Variants in ARF5 observed in about 807,000 individuals in gnomAD.
ARF5 encodes ARF GTPase 5.
A neutral mutation model predicts 24.8 loss-of-function variants in ARF5; 10 were observed. That is an observed-to-expected ratio of 0.40 (90% CI 0.25 to 0.68). The LOEUF (loss-of-function observed/expected upper bound fraction) is 0.68. Among genes scored for constraint, ARF5 ranks in the 30% least tolerant of loss-of-function variants. The pLI is 0.36. For synonymous variants in ARF5, 102 were observed against 95.1 expected, an observed-to-expected ratio of 1.07 and a Z score of -0.42; for missense variants, 135 against 239.2, an observed-to-expected ratio of 0.56 and a Z score of 2.87.
At chr7:127,590,382 G>T (rs1382803350) in intron 4 of ARF5, among the ~76,000 whole-genome samples, 2 of 151,776 alleles carry the variant, frequency 1.3e-5, no homozygotes, top group Admixed American at 6.6e-5. Context: ...GCCCAGGCTG[G>T]AGTGCAATGG....
chr7:127,589,291 G>A lies in ARF5; in HGVS notation c.148+128G>A, dbSNP rs564038207. 44 of 1,213,090 alleles carry A rather than the reference G, an allele frequency of 3.6e-5. No individual in the cohort carries two copies. In the African/African-American group the frequency reaches 6.0e-4, roughly 17 times the overall value. 75.1% of individuals were successfully genotyped at this position (1,213,090 alleles called of 1,614,324 possible). Reference sequence around the variant, plus strand: ...ACAGCTATTTGAGAAGTGGGTCAGGGTATCTCTACGTGGATACCGGAGGCA... The same window carrying A: ...ACAGCTATTTGAGAAGTGGGTCAGGATATCTCTACGTGGATACCGGAGGCA... On this transcript the variant is annotated intron_variant, in intron 2 of 5. Coordinates refer to ENST00000000233, the MANE Select transcript of ARF5 (RefSeq NM_001662.4).
rs1275678025 is a variant in ARF5, at chr7:127,588,461, C to CCCCGCGTCGGTG, written c.-31_-20dup. ...CGCGGCCGGCCAGTTCCAGCCCGCA[C>CCCCGCGTCGGTG]CCCGCGTCGGTGCCCGCGCCCCTCC... On this transcript the variant is annotated 5_prime_UTR_variant, in exon 1 of 6. Coordinates refer to ENST00000000233, the MANE Select transcript of ARF5 (RefSeq NM_001662.4). The CCCCGCGTCGGTG allele has an allele frequency of 7.2e-7, 1 of 1,389,942 alleles. No individual in the cohort carries two copies. Among genetic ancestry groups the CCCCGCGTCGGTG allele is most frequent in the East Asian group, 3.0e-5 (1 of 33,206 alleles). The allele number at this position is 1,389,942 out of a possible 1,614,324, so 86.1% of individuals were successfully genotyped here. A position where few individuals can be genotyped will look rare whatever the true frequency, so the allele number is the denominator to read the frequency against.
intron 2 of ARF5, 103 bp from the exon 3 acceptor site, chr7:127,589,381 TG>T: frequency 1.7e-6 from 2 of 1,171,588 alleles, no homozygotes; most frequent in African/African-American, 1.5e-5. Context: ...CCCTGGGCCT[TG>T]ATCATTGCCT....
At position 127,588,439 on chromosome 7, in the gene ARF5, G is replaced by C; in HGVS notation, c.-60G>C. Reference sequence around the variant, plus strand: ...CTGCTGCTGCGCCCCATCCCCCCGCGGCCGGCCAGTTCCAGCCCGCACCCC... The same window carrying C: ...CTGCTGCTGCGCCCCATCCCCCCGCCGCCGGCCAGTTCCAGCCCGCACCCC... On this transcript the variant is annotated 5_prime_UTR_variant, in exon 1 of 6. Transcript: ENST00000000233. The C allele has an allele frequency of 8.5e-7, 1 of 1,170,308 alleles. No homozygotes were observed. Among genetic ancestry groups the C allele is most frequent in the South Asian group, 2.6e-5 (1 of 38,096 alleles). 72.5% of individuals were successfully genotyped at this position (1,170,308 alleles called of 1,614,324 possible). A position where few individuals can be genotyped will look rare whatever the true frequency, so the allele number is the denominator to read the frequency against.
chr7:127,588,645 C>G, intron 1 of ARF5, 80 bp downstream of exon 1: 4 of 1,238,634 alleles, frequency 3.2e-6, no homozygotes, highest in South Asian at 2.4e-5. Context: ...CCTCCAGCCC[C>G]GCTCACCTGG....
In ARF5 at chr7:127,589,211, C is replaced by G. The variant is rs202056240; in HGVS notation, c.148+48C>G. ...GAGCGGGAGCGCCGCGGCGGGCCCT[C>G]GCGGGGTCTGCTCCCAGTTCTGCCA... On this transcript the variant is annotated intron_variant, in intron 2 of 5. Transcript: ENST00000000233. 1.4e-5 allele frequency: 22 copies of G among 1,598,506 alleles called. No individual in the cohort carries two copies. The East Asian group carries it at 4.0e-4, about 29-fold the overall frequency.
At chr7:127,588,636 C>A in intron 1 of ARF5, 71 bp downstream of exon 1, 1 of 1,278,346 alleles carries the variant, frequency 7.8e-7, no homozygotes, top group Non-Finnish European at 1.0e-6. Context: ...CCCCGCGTCC[C>A]TCCAGCCCCG....
chr7:127,591,128 G>T (rs762721564), intron 5 of ARF5, 40 bp downstream of exon 5: 5 of 1,612,322 alleles, frequency 3.1e-6, no homozygotes, highest in Non-Finnish European at 3.4e-6. Flanking sequence ...CCTGCCTCTT[G>T]AGGGAAGCTG....
chr7:127,589,235 C>G, intron 2 of ARF5, 72 bp downstream of exon 2: 1 of 1,536,984 alleles, frequency 6.5e-7, no homozygotes, highest in Non-Finnish European at 9.0e-7. Flanking sequence ...CCAGTTCTGC[C>G]ACTTTTCTGG....
Position 127,588,451 on chromosome 7 carries a change from C to G in ARF5, c.-48C>G. On this transcript the variant is annotated 5_prime_UTR_variant, in exon 1 of 6. Coordinates refer to ENST00000000233, the MANE Select transcript of ARF5 (RefSeq NM_001662.4). ...CCCATCCCCCCGCGGCCGGCCAGTT[C>G]CAGCCCGCACCCCGCGTCGGTGCCC... 1 of 1,353,146 alleles carries G rather than the reference C, an allele frequency of 7.4e-7. No individual in the cohort carries two copies. The highest frequency in any genetic ancestry group is 1.5e-5 in the African/African-American group (1 of 66,270). 83.8% of individuals were successfully genotyped at this position (1,353,146 alleles called of 1,614,324 possible).
intron 1 of ARF5, 123 bp downstream of exon 1, chr7:127,588,688 C>A (rs1794240433): frequency 2.1e-6 from 2 of 953,742 alleles, no homozygotes; most frequent in African/African-American, 1.7e-5. Flanking sequence ...CCTCATAACG[C>A]CCCGGGGCCT....
At chr7:127,589,716 C>G (rs1387316270) in intron 3 of ARF5, 122 bp downstream of exon 3, 1 of 728,948 alleles carries the variant, frequency 1.4e-6, no homozygotes, top group East Asian at 2.7e-5. Context: ...ACTTCTACCC[C>G]TTCTGTTTGG....
chr7:127,591,497 C>G lies in ARF5; in HGVS notation c.*198C>G, dbSNP rs1378820677. On this transcript the variant is annotated 3_prime_UTR_variant, in exon 6 of 6. Coordinates refer to ENST00000000233, the MANE Select transcript of ARF5 (RefSeq NM_001662.4). ...CTTGCTCTCTGGGCACAGAGGGGTC[C>G]ACTCTCCTGCCTGCTGGGACCTATG... The G allele has an allele frequency of 5.6e-6, 3 of 538,522 alleles. No individual in the cohort carries two copies. The highest frequency in any genetic ancestry group is 4.8e-4 in the Middle Eastern group (1 of 2,078). The allele number at this position is 538,522 out of a possible 1,614,324, so 33.4% of individuals were successfully genotyped here.
At chr7:127,588,938 C>A in intron 1 of ARF5, 145 bp from the exon 2 acceptor site, 1 of 921,004 alleles carries the variant, frequency 1.1e-6, no homozygotes. Context: ...GCCCTCCAGG[C>A]CTCAAAGGTA....
In ARF5 at chr7:127,588,443, G is replaced by C. The variant is rs1794236120; in HGVS notation, c.-56G>C. 3 of 1,204,506 alleles carry C rather than the reference G, an allele frequency of 2.5e-6. No individual in the cohort carries two copies. The highest frequency in any genetic ancestry group is 3.3e-6 in the Non-Finnish European group (3 of 919,466). The allele number at this position is 1,204,506 out of a possible 1,614,324, so 74.6% of individuals were successfully genotyped here. On this transcript the variant is annotated 5_prime_UTR_variant, in exon 1 of 6. Transcript: ENST00000000233. ...TGCTGCGCCCCATCCCCCCGCGGCC[G>C]GCCAGTTCCAGCCCGCACCCCGCGT...
In ARF5 at chr7:127,589,478, T is replaced by C; in HGVS notation, c.149-7T>C. 1.2e-6 allele frequency: 2 copies of C among 1,601,398 alleles called. No homozygotes were observed. Among genetic ancestry groups the C allele is most frequent in the Non-Finnish European group, 1.7e-6 (2 of 1,170,912 alleles). ...TTTTCTCATCTTTTTTTTCCAATTA[T>C]CTGCAGGCTTCAATGTAGAAACAGT... On this transcript the variant is annotated splice_polypyrimidine_tract_variant and splice_region_variant and intron_variant, in intron 2 of 5. Transcript: ENST00000000233.
rs958875223 is a variant in ARF5 at position 127,588,457 on chromosome 7, C to T, written c.-42C>T. On this transcript the variant is annotated 5_prime_UTR_variant, in exon 1 of 6. Transcript: ENST00000000233. ...CCCCCGCGGCCGGCCAGTTCCAGCC[C>T]GCACCCCGCGTCGGTGCCCGCGCCC... The T allele has an allele frequency of 2.4e-5, 33 of 1,373,386 alleles. No homozygotes were observed. Among genetic ancestry groups the T allele is most frequent in the South Asian group, 3.1e-5 (2 of 65,030 alleles). The allele number at this position is 1,373,386 out of a possible 1,614,324, so 85.1% of individuals were successfully genotyped here.
Position 127,589,439 on chromosome 7 carries a change from CT to C in ARF5, c.149-43del, listed in dbSNP as rs549079833. 1.8e-4 allele frequency: 271 copies of C among 1,499,174 alleles called. No homozygotes were observed. In the African/African-American group the frequency reaches 3.2e-3, roughly 18 times the overall value. 92.9% of individuals were successfully genotyped at this position (1,499,174 alleles called of 1,614,324 possible). The stretch of plus-strand genomic sequence containing the variant: ...AAATCTAAGTAGTTTTAGTGAGTTC[CT>C]TTCTTTCAGGAGTTTTCTCATCTTT... On this transcript the variant is annotated intron_variant, in intron 2 of 5. Transcript: ENST00000000233.
chr7:127,589,941 T>C (rs1023078042), intron 3 of ARF5, 125 bp from the exon 4 acceptor site: 10 of 882,952 alleles, frequency 1.1e-5, no homozygotes, highest in Non-Finnish European at 1.9e-5. Context: ...TGTAAACTTC[T>C]GTAGAGTTTA....
Sources: allele counts gnomAD v4.1 joint callset (sites outside exome capture counted in the v4.1 genomes callset), GRCh38; gene constraint gnomAD v4.1.1; transcripts MANE v1.5; gene names NCBI Gene and HGNC (gene_info 2026-07-23, HGNC 2026-07-21).